Variants in CTPS2 observed in about 807,000 individuals in gnomAD.
CTPS2 encodes the protein CTP synthase II.
Under a neutral mutation model 46.8 loss-of-function variants are expected in CTPS2, and 19 were observed. The ratio of observed to expected loss-of-function variants is 0.41; its 90% CI spans 0.28 to 0.60. CTPS2 has a LOEUF of 0.60. Ranked by LOEUF, CTPS2 falls within the 20% of genes least tolerant of loss-of-function variation. The pLI is 0.35. For missense variants in CTPS2, 286 were observed against 447.6 expected, an observed-to-expected ratio of 0.64 and a Z score of 3.26; for synonymous variants, 151 against 165.2, an observed-to-expected ratio of 0.91 and a Z score of 0.66.
At chrX:16,650,911 C>T (rs904415632) in intron 13 of CTPS2, 70 of 779,379 alleles carry the variant, frequency 9.0e-5, no homozygotes, top group Non-Finnish European at 1.2e-4. Flanking sequence ...AGGAAATGGC[C>T]CAATGGCACT....
rs750908411 is a variant in CTPS2, at chrX:16,706,100, C to CA, written c.-39-3160dup. ...TGGGTGACAGAGCAAGACTCTGCCT[C>CA]AAAAAAAAAAAAAGAAAGAAAGAAA... On this transcript the variant is annotated intron_variant, in intron 1 of 18. Transcript: ENST00000359276. Among the ~76,000 whole-genome samples, 574 of 76,527 alleles carry CA rather than the reference C, an allele frequency of 7.5e-3. 1 individual carries two copies. The highest frequency in any genetic ancestry group is 0.015 in the African/African-American group (304 of 20,496). The allele number at this position is 76,527 out of a possible 115,157, so 66.5% of individuals were successfully genotyped here. A position where few individuals can be genotyped will look rare whatever the true frequency, so the allele number is the denominator to read the frequency against.
At chrX:16,682,211 A>G (rs7887562) in intron 9 of CTPS2, among the ~76,000 whole-genome samples, 12,381 of 112,356 alleles carry the variant, frequency 0.11, 965 homozygotes, top group African/African-American at 0.27. Flanking sequence ...CAGGCCAGGC[A>G]CAGTGGCTCA....
At chrX:16,638,087 C>G (rs1382739912) in intron 14 of CTPS2, among the ~76,000 whole-genome samples, 3 of 109,663 alleles carry the variant, frequency 2.7e-5, no homozygotes, top group African/African-American at 1.0e-4. Flanking sequence ...AACCCCATCT[C>G]TACTAAAAAT....
intron 7 of CTPS2, among the ~76,000 whole-genome samples, chrX:16,690,489 T>C (rs924197046): frequency 3.6e-5 from 4 of 111,738 alleles, no homozygotes; most frequent in Non-Finnish European, 7.5e-5. Flanking sequence ...ACTTCGGCAA[T>C]GACTCTGAGG....
intron 11 of CTPS2, among the ~76,000 whole-genome samples, chrX:16,668,879 G>C (rs752229517): frequency 3.6e-5 from 4 of 111,435 alleles, no homozygotes; most frequent in Admixed American, 2.8e-4. Flanking sequence ...TTGTCCCTGA[G>C]TTGAGGCATC....
At chrX:16,619,968 G>T (rs776282860) in intron 15 of CTPS2, among the ~76,000 whole-genome samples, 6 of 111,560 alleles carry the variant, frequency 5.4e-5, no homozygotes, top group Non-Finnish European at 9.4e-5. Context: ...GATAAGAAAT[G>T]ATGGCCTTAT....
chrX:16,597,287 G>C lies in CTPS2; in HGVS notation c.1692-6425C>G, dbSNP rs774673305. 2.5e-3 allele frequency among the ~76,000 whole-genome samples: 281 copies of C among 111,786 alleles called. 2 individuals carry two copies. The highest frequency in any genetic ancestry group is 8.6e-3 in the African/African-American group (265 of 30,677). On this transcript the variant is annotated intron_variant, in intron 17 of 18. Coordinates refer to ENST00000359276, the MANE Select transcript of CTPS2 (RefSeq NM_175859.3). The stretch of plus-strand genomic sequence containing the variant: ...CTTGCCCATGCCTATGTCCTGAATG[G>C]TAATGCCTAGGTTTTCTTCTAGGGT...
chrX:16,609,190 AC>A (rs1930139422), intron 17 of CTPS2, among the ~76,000 whole-genome samples: 1 of 111,723 alleles, frequency 9.0e-6, no homozygotes, highest in Middle Eastern at 4.7e-3. Flanking sequence ...ATAATACAAT[AC>A]CAAAATGAAG....
chrX:16,664,541 G>T (rs1921009529), intron 13 of CTPS2, among the ~76,000 whole-genome samples: 1 of 111,651 alleles, frequency 9.0e-6, no homozygotes, highest in Admixed American at 9.6e-5. Flanking sequence ...AAACTGTGTA[G>T]AGTATGCTAC....
At chrX:16,698,409 A>G (rs1239905722) in intron 3 of CTPS2, 73 bp from the exon 4 acceptor site, 7 of 688,873 alleles carry the variant, frequency 1.0e-5, no homozygotes, top group Non-Finnish European at 1.3e-5. Flanking sequence ...GGCCTCCCCA[A>G]TCACCTGAAA....
intron 1 of CTPS2, among the ~76,000 whole-genome samples, chrX:16,703,527 C>A (rs1248359233): frequency 9.1e-6 from 1 of 109,928 alleles, no homozygotes; most frequent in Non-Finnish European, 1.9e-5. Flanking sequence ...AAGACAGGTT[C>A]TTACTATGAT....
intron 17 of CTPS2, among the ~76,000 whole-genome samples, chrX:16,591,931 T>C (rs1360692015): frequency 9.0e-6 from 1 of 111,148 alleles, no homozygotes; most frequent in Non-Finnish European, 1.9e-5. Flanking sequence ...CTCTTTTTGC[T>C]CTATTATAAC....
rs187808064 is a variant in CTPS2, at chrX:16,685,640, C to T, written c.873-2414G>A. Among the ~76,000 whole-genome samples, 359 of 106,770 alleles carry T rather than the reference C, an allele frequency of 3.4e-3. 1 individual carries two copies. The highest frequency in any genetic ancestry group is 0.01 in the African/African-American group (303 of 29,306). 92.7% of individuals were successfully genotyped at this position (106,770 alleles called of 115,157 possible). A position where few individuals can be genotyped will look rare whatever the true frequency, so the allele number is the denominator to read the frequency against. On this transcript the variant is annotated intron_variant, in intron 8 of 18. Transcript: ENST00000359276. ...TTGGGAGGCCGAGGTGGGCGGATTA[C>T]GATGTCAGGAGATCAAGATCGTCCT... is the stretch of plus-strand genomic sequence containing the variant.
chrX:16,613,998 A>G (rs979165779), intron 16 of CTPS2, among the ~76,000 whole-genome samples: 2 of 111,349 alleles, frequency 1.8e-5, no homozygotes, highest in Admixed American at 9.6e-5. Flanking sequence ...CAAACACTCT[A>G]CAACAGGGGT....
At chrX:16,667,790 A>G in intron 11 of CTPS2, 66 bp from the exon 12 acceptor site, 1 of 1,030,576 alleles carries the variant, frequency 9.7e-7, no homozygotes, top group Non-Finnish European at 1.4e-6. Flanking sequence ...TTTTCTGTTC[A>G]TTTGTTGGCT....
chrX:16,639,924 C>T (rs1451435665), intron 13 of CTPS2, among the ~76,000 whole-genome samples: 2 of 111,292 alleles, frequency 1.8e-5, no homozygotes. Context: ...CACCCTTGAT[C>T]GCTCCCTCTC....
At chrX:16,599,296 T>C (rs941959919) in intron 17 of CTPS2, among the ~76,000 whole-genome samples, 4 of 111,016 alleles carry the variant, frequency 3.6e-5, no homozygotes, top group Non-Finnish European at 7.6e-5. Flanking sequence ...CAAATATCTC[T>C]TATGCATGCG....
chrX:16,594,825 A>G (rs1420778518), intron 17 of CTPS2, among the ~76,000 whole-genome samples: 1 of 112,626 alleles, frequency 8.9e-6, no homozygotes, highest in Non-Finnish European at 1.9e-5. Context: ...CGGTAGGACA[A>G]TAAAACAAAC....
intron 14 of CTPS2, 70 bp downstream of exon 14, chrX:16,639,077 A>G: frequency 1.2e-6 from 1 of 834,936 alleles, no homozygotes. Flanking sequence ...CACCACCCAG[A>G]GTGCTGGGCA....
Sources: allele counts gnomAD v4.1 joint callset (sites outside exome capture counted in the v4.1 genomes callset), GRCh38; gene constraint gnomAD v4.1.1; transcripts MANE v1.5; gene names NCBI Gene and HGNC (gene_info 2026-07-23, HGNC 2026-07-21).